OBI1: variants seen among roughly 807,000 people sequenced by gnomAD.
OBI1 encodes ring finger protein 219.
OBI1 carries 59 observed loss-of-function variants against 62.4 expected under a neutral mutation model. The observed-to-expected ratio is 0.95, with a 90% CI of 0.77 to 1.17. The LOEUF (loss-of-function observed/expected upper bound fraction) is 1.17. OBI1 is among the 50% of genes most tolerant of loss of function. The pLI, the probability that OBI1 is intolerant of heterozygous loss-of-function variation, is 0.00. For synonymous variants in OBI1, 302 were observed against 292.8 expected (o/e 1.03, Z -0.32); for missense variants, 875 against 830.9 (o/e 1.05, Z -0.65).
chr13:78,629,804 T>TA (rs1460736430), intron 5 of OBI1, among the ~76,000 whole-genome samples: 14 of 152,098 alleles, frequency 9.2e-5, no homozygotes, highest in African/African-American at 2.7e-4. Context: ...CCCTTCTGCT[T>TA]AGAGTAGAAA....
chr13:78,634,423 T>C (rs1166861224), intron 5 of OBI1, among the ~76,000 whole-genome samples: 4 of 152,046 alleles, frequency 2.6e-5, no homozygotes, highest in African/African-American at 9.6e-5. Flanking sequence ...GCCTCCCGAG[T>C]AGCTGGGATT....
At chr13:78,632,396 T>C (rs1353985931) in intron 5 of OBI1, among the ~76,000 whole-genome samples, 1 of 152,170 alleles carries the variant, frequency 6.6e-6, no homozygotes, top group Non-Finnish European at 1.5e-5. Flanking sequence ...TCTGAGCTAA[T>C]ACACCTTCCT....
intron 5 of OBI1, among the ~76,000 whole-genome samples, chr13:78,631,189 G>A (rs548845849): frequency 3.9e-5 from 6 of 152,162 alleles, no homozygotes; most frequent in Non-Finnish European, 5.9e-5. Flanking sequence ...CAATAGATAC[G>A]TAGTAGGAGC....
Position 78,635,173 on chromosome 13 carries a change from T to A in OBI1, c.575A>T (p.Asn192Ile), listed in dbSNP as rs1431596168. Residue 192 changes from asparagine (N) to isoleucine (I), a missense_variant, in exon 5 of 6, where the codon AAT (asparagine) becomes ATT (isoleucine). By Grantham distance (149) the Asn-to-Ile change is moderately radical. Coordinates refer to ENST00000282003, the MANE Select transcript of OBI1 (RefSeq NM_024546.4). Reference protein sequence around the residue: ...KEANKKLKLENGGLVRENLRL... With the variant: ...KEANKKLKLEIGGLVRENLRL... ...TAAATTCTCCCTCACCAGACCACCATTTTCCAATTTCAATTTTTTATTTGC... is the reference window on the plus strand; with the variant it reads ...TAAATTCTCCCTCACCAGACCACCAATTTCCAATTTCAATTTTTTATTTGC... The A allele has an allele frequency of 6.2e-7, 1 of 1,607,982 alleles. No individual in the cohort carries two copies. The highest frequency in any genetic ancestry group is 1.3e-5 in the African/African-American group (1 of 74,700).
chr13:78,629,437 T>C (rs1054826412), intron 5 of OBI1, among the ~76,000 whole-genome samples: 1 of 152,050 alleles, frequency 6.6e-6, no homozygotes, highest in Non-Finnish European at 1.5e-5. Context: ...TAAATCCTCA[T>C]AATAGTTGGT....
At chr13:78,656,982 AC>A (rs1161710421) in intron 1 of OBI1, among the ~76,000 whole-genome samples, 1 of 151,538 alleles carries the variant, frequency 6.6e-6, no homozygotes, top group African/African-American at 2.4e-5. Context: ...ATGGGGTTTC[AC>A]CATATTGGCC....
intron 5 of OBI1, among the ~76,000 whole-genome samples, chr13:78,625,024 T>A (rs928500988): frequency 4.6e-5 from 7 of 152,210 alleles, no homozygotes; most frequent in Admixed American, 1.3e-4. Flanking sequence ...ATAAATTCTA[T>A]TCTATTTGAC....
chr13:78,616,379 G>C lies in OBI1; in HGVS notation c.1382C>G (p.Ser461Cys). Residue 461 changes from serine to cysteine, a missense_variant, in exon 6 of 6, where the codon TCC becomes TGC. Physicochemically the swap from Ser to Cys is moderately radical, Grantham distance 112 (BLOSUM62 -1). Transcript: ENST00000282003. ...ENEKKSECFS[S>C]PKTGFWDCCS... is the part of the protein sequence containing the mutation. ...ACAGTCCCAAAATCCTGTCTTTGGG[G>C]AAGAAAAACATTCTGATTTCTTTTC... The C allele has an allele frequency of 6.2e-7, 1 of 1,613,306 alleles. No individual in the cohort carries two copies. The highest frequency in any genetic ancestry group is 1.1e-5 in the South Asian group (1 of 90,910).
chr13:78,635,874 T>A lies in OBI1; in HGVS notation c.550-676A>T, dbSNP rs1270827672. The stretch of plus-strand genomic sequence containing the variant: ...ACCTCCAGGGTTCAGGTGATTCTCC[T>A]GTCTCAGCCTCCCGAAGAGCTGGGA... On this transcript the variant is annotated intron_variant, in intron 4 of 5. Coordinates refer to ENST00000282003, the MANE Select transcript of OBI1 (RefSeq NM_024546.4). Among the ~76,000 whole-genome samples the A allele has an allele frequency of 2.0e-5, 3 of 152,170 alleles. No individual in the cohort carries two copies. In the East Asian group the frequency reaches 5.8e-4, roughly 29 times the overall value.
At chr13:78,634,451 C>T (rs773411229) in intron 5 of OBI1, among the ~76,000 whole-genome samples, 26 of 151,962 alleles carry the variant, frequency 1.7e-4, no homozygotes, top group African/African-American at 3.9e-4. Context: ...CCCAACACCA[C>T]GCACAGCTAA....
At chr13:78,651,487 G>C (rs1036195093) in intron 1 of OBI1, among the ~76,000 whole-genome samples, 3 of 152,016 alleles carry the variant, frequency 2.0e-5, no homozygotes, top group African/African-American at 7.2e-5. Flanking sequence ...AACCTCACAG[G>C]TCTACTTATG....
intron 5 of OBI1, among the ~76,000 whole-genome samples, chr13:78,634,506 A>G (rs1593792994): frequency 2.6e-5 from 4 of 152,202 alleles, no homozygotes; most frequent in Middle Eastern, 3.4e-3. Context: ...CATGTTGCCC[A>G]GGCTGGTCTC....
chr13:78,615,654 C>T lies in OBI1; in HGVS notation c.2107G>A (p.Val703Met). The change falls in exon 6 of 6, where the codon GTG becomes ATG. Residue 703 changes from valine to methionine, a missense_variant. By Grantham distance (21) the Val-to-Met change is conservative. Transcript: ENST00000282003. ...SFVPEKRNKN[V>M]NQSTKRKIQS... ...ATTTTTCTTTTTGTTGATTGATTCACATTTTTATTCCTCTTTTCAGGCACA... is the reference window on the plus strand; with the variant it reads ...ATTTTTCTTTTTGTTGATTGATTCATATTTTTATTCCTCTTTTCAGGCACA... 6.2e-7 allele frequency: 1 copy of T among 1,613,928 alleles called. No individual in the cohort carries two copies. Among genetic ancestry groups the T allele is most frequent in the Non-Finnish European group, 8.5e-7 (1 of 1,179,940 alleles).
rs543067482 is a variant in OBI1, at chr13:78,617,826, A to T, written c.639-704T>A. Among the ~76,000 whole-genome samples the T allele has an allele frequency of 5.3e-5, 8 of 152,224 alleles. No individual in the cohort carries two copies. In the South Asian group the frequency reaches 1.7e-3, roughly 32 times the overall value. On this transcript the variant is annotated intron_variant, in intron 5 of 5. Coordinates refer to ENST00000282003, the MANE Select transcript of OBI1 (RefSeq NM_024546.4). ...TGAAGTCAGTGCTTGTGATTCCAAT[A>T]TACTAGGCAAAAAAAAAAATTTTTT...
At chr13:78,650,971 C>A (rs1329715487) in intron 1 of OBI1, among the ~76,000 whole-genome samples, 1 of 152,148 alleles carries the variant, frequency 6.6e-6, no homozygotes, top group East Asian at 1.9e-4. Context: ...AAACTGTCAC[C>A]AGACGCTGGT....
intron 3 of OBI1, among the ~76,000 whole-genome samples, chr13:78,641,367 C>T (rs1410442069): frequency 6.6e-6 from 1 of 151,796 alleles, no homozygotes; most frequent in African/African-American, 2.4e-5. Flanking sequence ...GTATTTATAC[C>T]CCACTGCATT....
chr13:78,625,092 C>T (rs1416490520), intron 5 of OBI1, among the ~76,000 whole-genome samples: 1 of 152,186 alleles, frequency 6.6e-6, no homozygotes, highest in Non-Finnish European at 1.5e-5. Flanking sequence ...CCTCTGCTCC[C>T]TTCAACCAAC....
intron 2 of OBI1, among the ~76,000 whole-genome samples, chr13:78,642,844 G>A (rs1461863428): frequency 1.3e-5 from 2 of 151,944 alleles, no homozygotes; most frequent in African/African-American, 4.8e-5. Context: ...CCGAGATTGC[G>A]CCACTGCACT....
rs575255210 is a variant in OBI1, at chr13:78,653,770, G to A, written c.72+5279C>T. ...CTCTTCTGGCATCCTCCCCTCACTA[G>A]AGACAAGAGCCAACTGTGCTTCTAG... On this transcript the variant is annotated intron_variant, in intron 1 of 5. Coordinates refer to ENST00000282003, the MANE Select transcript of OBI1 (RefSeq NM_024546.4). Among the ~76,000 whole-genome samples, 4 of 152,230 alleles carry A rather than the reference G, an allele frequency of 2.6e-5. No individual in the cohort carries two copies. In the East Asian group the frequency reaches 7.7e-4, roughly 29 times the overall value.
Sources: gnomAD v4.1 joint callset for allele counts (sites outside exome capture counted in the v4.1 genomes callset) on GRCh38, gnomAD v4.1.1 for gene constraint, MANE v1.5 for transcripts, NCBI Gene and HGNC (gene_info 2026-07-23, HGNC 2026-07-21) for gene names.